The following CAAP1 variants were observed in gnomAD, a reference collection of about 807,000 sequenced individuals.
The protein encoded by CAAP1 is conserved anti-apoptotic protein.
A neutral mutation model predicts 34.0 loss-of-function variants in CAAP1; 20 were observed. That is an observed-to-expected ratio of 0.59 (90% CI 0.41 to 0.86). The LOEUF is 0.86. Among genes scored for constraint, CAAP1 ranks in the 40% least tolerant of loss-of-function variants. The probability of loss-of-function intolerance (pLI) is 0.00; values close to 1 mark genes in which losing one functional copy is unlikely to be tolerated. For missense variants in CAAP1, 538 were observed against 450.5 expected, an observed-to-expected ratio of 1.19 and a Z score of -1.76; for synonymous variants, 213 against 166.7, an observed-to-expected ratio of 1.28 and a Z score of -2.14.
At chr9:26,876,746 C>T (rs566892375) in intron 4 of CAAP1, among the ~76,000 whole-genome samples, 7 of 152,134 alleles carry the variant, frequency 4.6e-5, no homozygotes, top group East Asian at 3.9e-4. Context: ...TAATCTGATC[C>T]GAAATCCAAA....
At chr9:26,866,111 T>C (rs1176637323) in intron 4 of CAAP1, among the ~76,000 whole-genome samples, 2 of 152,104 alleles carry the variant, frequency 1.3e-5, no homozygotes, top group Non-Finnish European at 2.9e-5. Context: ...CCTCCCAAAG[T>C]GCTGGGATTA....
intron 5 of CAAP1, among the ~76,000 whole-genome samples, chr9:26,847,198 A>ATATTTTTTTTTTT (rs1554649570): frequency 2.9e-5 from 1 of 34,708 alleles, no homozygotes; most frequent in African/African-American, 1.2e-4. Flanking sequence ...AAAAAGCAAT[A>ATATTTTTTTTTTT]TTTTTTTTTT....
chr9:26,860,720 G>T (rs1017334252), intron 5 of CAAP1, among the ~76,000 whole-genome samples: 1 of 152,110 alleles, frequency 6.6e-6, no homozygotes, highest in Non-Finnish European at 1.5e-5. Context: ...TGAACCGGGA[G>T]GCTGAGCTTG....
At chr9:26,855,527 G>C (rs1163342300) in intron 5 of CAAP1, among the ~76,000 whole-genome samples, 1 of 152,062 alleles carries the variant, frequency 6.6e-6, no homozygotes, top group Non-Finnish European at 1.5e-5. Context: ...GGGAAGAGTT[G>C]GTAAGCAGGT....
At chr9:26,873,183 A>C (rs1009247014) in intron 4 of CAAP1, among the ~76,000 whole-genome samples, 1 of 152,224 alleles carries the variant, frequency 6.6e-6, no homozygotes, top group African/African-American at 2.4e-5. Flanking sequence ...TCACTTCAGC[A>C]GTGACCCGTG....
intron 5 of CAAP1, among the ~76,000 whole-genome samples, chr9:26,843,506 C>T (rs1409473550): frequency 2.0e-5 from 3 of 150,570 alleles, no homozygotes; most frequent in Non-Finnish European, 4.4e-5. Context: ...TATTATTATA[C>T]TTTAAGTTTT....
At chr9:26,877,834 T>G (rs1459451893) in intron 4 of CAAP1, among the ~76,000 whole-genome samples, 1 of 151,864 alleles carries the variant, frequency 6.6e-6, no homozygotes, top group Non-Finnish European at 1.5e-5. Context: ...TTACATATAT[T>G]TCCTATATTT....
At chr9:26,866,089 T>C (rs748332875) in intron 4 of CAAP1, among the ~76,000 whole-genome samples, 12 of 152,164 alleles carry the variant, frequency 7.9e-5, no homozygotes, top group Non-Finnish European at 1.3e-4. Flanking sequence ...TCAAGTGATC[T>C]GCCCACCTTG....
At chr9:26,883,965 G>GA (rs1823663511) in intron 4 of CAAP1, among the ~76,000 whole-genome samples, 2 of 152,082 alleles carry the variant, frequency 1.3e-5, no homozygotes, top group Admixed American at 6.6e-5. Flanking sequence ...TAGCATTTAT[G>GA]AAAAAATTCT....
intron 4 of CAAP1, among the ~76,000 whole-genome samples, chr9:26,883,038 G>T (rs1029069990): frequency 6.6e-6 from 1 of 152,118 alleles, no homozygotes; most frequent in East Asian, 1.9e-4. Context: ...TGATTTTACA[G>T]GCTCATAGGC....
At chr9:26,876,670 G>A (rs369371219) in intron 4 of CAAP1, among the ~76,000 whole-genome samples, 10 of 151,996 alleles carry the variant, frequency 6.6e-5, no homozygotes, top group African/African-American at 1.7e-4. Flanking sequence ...TACAGGTTTG[G>A]AGCCTAGGAA....
intron 4 of CAAP1, among the ~76,000 whole-genome samples, chr9:26,865,585 A>G (rs1823117053): frequency 6.6e-6 from 1 of 152,118 alleles, no homozygotes; most frequent in African/African-American, 2.4e-5. Flanking sequence ...ATGGAGGGGG[A>G]AATCCCCAAT....
At chr9:26,847,624 G>T (rs1468304356) in intron 5 of CAAP1, among the ~76,000 whole-genome samples, 2 of 151,880 alleles carry the variant, frequency 1.3e-5, no homozygotes, top group Non-Finnish European at 2.9e-5. Context: ...TATCTGACTT[G>T]TTTCTACCCT....
At chr9:26,852,621 C>A (rs963595943) in intron 5 of CAAP1, among the ~76,000 whole-genome samples, 2 of 152,098 alleles carry the variant, frequency 1.3e-5, no homozygotes, top group Admixed American at 1.3e-4. Flanking sequence ...TCAGATTTGA[C>A]ATATTGGAAC....
intron 5 of CAAP1, among the ~76,000 whole-genome samples, chr9:26,847,329 C>A (rs1414661736): frequency 6.7e-6 from 1 of 150,022 alleles, no homozygotes; most frequent in Non-Finnish European, 1.5e-5. Flanking sequence ...ATTCTCCCGC[C>A]TCAGCCTCCC....
intron 5 of CAAP1, among the ~76,000 whole-genome samples, chr9:26,860,410 T>C (rs769594140): frequency 1.8e-4 from 28 of 152,188 alleles, no homozygotes; most frequent in Admixed American, 7.2e-4. Flanking sequence ...AAAAAAGTTA[T>C]GCTATAAAAC....
chr9:26,850,725 G>C (rs1246935669), intron 5 of CAAP1, among the ~76,000 whole-genome samples: 2 of 152,138 alleles, frequency 1.3e-5, no homozygotes, highest in Non-Finnish European at 2.9e-5. Context: ...ATAATGGACA[G>C]GTGAAACCTA....
At chr9:26,870,669 T>C (rs1823253366) in intron 4 of CAAP1, among the ~76,000 whole-genome samples, 2 of 151,162 alleles carry the variant, frequency 1.3e-5, no homozygotes, top group Admixed American at 6.6e-5. Flanking sequence ...GCTGGAGTAA[T>C]GCAATGGCGC....
intron 4 of CAAP1, among the ~76,000 whole-genome samples, chr9:26,882,990 G>C (rs1823634344): frequency 6.6e-6 from 1 of 152,128 alleles, no homozygotes; most frequent in Non-Finnish European, 1.5e-5. Flanking sequence ...TCCAATGCCT[G>C]TATCCCCATT....
Sources: allele counts gnomAD v4.1 joint callset (sites outside exome capture counted in the v4.1 genomes callset), GRCh38; gene constraint gnomAD v4.1.1; transcripts MANE v1.5; gene names NCBI Gene and HGNC (gene_info 2026-07-23, HGNC 2026-07-21).